Variants in ARF5 observed in about 807,000 individuals in gnomAD.
The protein encoded by ARF5 is ADP-ribosylation factor 5.
Under a neutral mutation model 24.8 loss-of-function variants are expected in ARF5, and 10 were observed. The observed-to-expected ratio is 0.40, with a 90% CI of 0.25 to 0.68. ARF5 has a LOEUF of 0.68. Among genes scored for constraint, ARF5 ranks in the 30% least tolerant of loss-of-function variants. The pLI is 0.36. For missense variants in ARF5, 135 were observed against 239.2 expected, an observed-to-expected ratio of 0.56 and a Z score of 2.87; for synonymous variants, 102 against 95.1, an observed-to-expected ratio of 1.07 and a Z score of -0.42.
intron 4 of ARF5, 23 bp downstream of exon 4, chr7:127,590,160 A>G (rs376627845): frequency 8.7e-6 from 14 of 1,605,752 alleles, no homozygotes; most frequent in Non-Finnish European, 1.2e-5. Context: ...AGCCCTGGGA[A>G]CTGAGCCCTC....
intron 3 of ARF5, 199 bp from the exon 4 acceptor site, chr7:127,589,867 A>G: frequency 3.3e-6 from 2 of 615,178 alleles, no homozygotes; most frequent in South Asian, 4.0e-5. Flanking sequence ...TGGATAAACT[A>G]CTTCCTCTTT....
rs912240810 is a variant in ARF5, at chr7:127,589,488, T to A, written c.152T>A (p.Phe51Tyr). The A allele has an allele frequency of 1.9e-6, 3 of 1,610,220 alleles. No individual in the cohort carries two copies. The Admixed American group carries it at 5.1e-5, about 27-fold the overall frequency. ...EIVTTIPTIG[F>Y]NVETVEYKNI... Reference sequence around the variant, plus strand: ...TTTTTTTTCCAATTATCTGCAGGCTTCAATGTAGAAACAGTGGAATATAAG... The same window carrying A: ...TTTTTTTTCCAATTATCTGCAGGCTACAATGTAGAAACAGTGGAATATAAG... The change falls in exon 3 of 6, where the codon TTC (phenylalanine) becomes TAC (tyrosine). Residue 51 changes from phenylalanine to tyrosine, a missense_variant. Around this residue, in one of 3 missense-constraint regions of ARF5, gnomAD observed 8 missense variants for 47.7 expected, o/e 0.17. Transcript: ENST00000000233.
intron 4 of ARF5, among the ~76,000 whole-genome samples, chr7:127,590,457 C>T (rs941083389): frequency 6.6e-5 from 10 of 152,232 alleles, no homozygotes; most frequent in African/African-American, 2.4e-4. Context: ...CTCAGCCTCC[C>T]AAGTAGCTGG....
chr7:127,589,390 C>T lies in ARF5; in HGVS notation c.149-95C>T, dbSNP rs1275424632. ...CTGTTCCCCTGGGCCTTGATCATTGCCTTCTGGTTTTGTGTCCCTGCTGAA... is the reference window on the plus strand; with the variant it reads ...CTGTTCCCCTGGGCCTTGATCATTGTCTTCTGGTTTTGTGTCCCTGCTGAA... On this transcript the variant is annotated intron_variant, in intron 2 of 5. Transcript: ENST00000000233. The T allele has an allele frequency of 9.1e-6, 11 of 1,202,560 alleles. No homozygotes were observed. In the Admixed American group the frequency reaches 2.0e-4, roughly 22 times the overall value. The allele number at this position is 1,202,560 out of a possible 1,614,324, so 74.5% of individuals were successfully genotyped here.
chr7:127,588,922 C>G (rs145530788), intron 1 of ARF5, 161 bp from the exon 2 acceptor site: 85 of 797,466 alleles, frequency 1.1e-4, no homozygotes, highest in Non-Finnish European at 3.0e-5. Context: ...CTCACGCCAC[C>G]CGACTGCCCT....
chr7:127,590,572 A>G (rs903697584), intron 4 of ARF5, among the ~76,000 whole-genome samples: 3 of 152,170 alleles, frequency 2.0e-5, no homozygotes, highest in African/African-American at 7.2e-5. Flanking sequence ...ACCTCAGGTG[A>G]TCCACCCGTC....
chr7:127,588,985 G>A, intron 1 of ARF5, 98 bp from the exon 2 acceptor site: 2 of 1,407,572 alleles, frequency 1.4e-6, no homozygotes, highest in Non-Finnish European at 2.0e-6. Flanking sequence ...CCCGCTCTCC[G>A]CCCCAGTCAC....
At chr7:127,590,258 T>C (rs1794264000) in intron 4 of ARF5, 121 bp downstream of exon 4, 1 of 796,592 alleles carries the variant, frequency 1.3e-6, no homozygotes, top group Non-Finnish European at 2.2e-6. Flanking sequence ...AGTTTTTCTT[T>C]GTGGACAGAC....
chr7:127,588,613 G>T, intron 1 of ARF5, 48 bp downstream of exon 1: 1 of 1,297,398 alleles, frequency 7.7e-7, no homozygotes, highest in Non-Finnish European at 9.9e-7. Context: ...CGGCCCCGGC[G>T]CAGCCCTTCC....
rs1794261410 is a variant in ARF5, at chr7:127,590,098, G to A, written c.291G>A (p.Arg97=). 1.9e-6 allele frequency: 3 copies of A among 1,614,002 alleles called. No homozygotes were observed. Among genetic ancestry groups the A allele is most frequent in the Non-Finnish European group, 2.5e-6 (3 of 1,179,986 alleles). The change falls in exon 4 of 6, where the codon CGG becomes CGA. Residue 97 remains arginine (R), a synonymous_variant. Coordinates refer to ENST00000000233, the MANE Select transcript of ARF5 (RefSeq NM_001662.4). ...TCTTTGTGGTGGACAGTAATGACCG[G>A]GAGCGGGTCCAAGAATCTGCTGATG... ...GLIFVVDSND[R]ERVQESADEL... is the part of the protein sequence containing the mutation.
intron 3 of ARF5, 73 bp downstream of exon 3, chr7:127,589,667 C>G (rs764230627): frequency 7.8e-7 from 1 of 1,276,294 alleles, no homozygotes; most frequent in Non-Finnish European, 1.1e-6. Flanking sequence ...AATTGTTGGC[C>G]TAGGCTGGGC....
Position 127,591,389 on chromosome 7 carries a change from C to A in ARF5, c.*90C>A. On this transcript the variant is annotated 3_prime_UTR_variant, in exon 6 of 6. Transcript: ENST00000000233. ...CCGGACTCCTCAGGCAGTGCCCTTT[C>A]CTCCCACTTTTCCTCCCCCATAGCC... 8.4e-7 allele frequency: 1 copy of A among 1,185,446 alleles called. No individual in the cohort carries two copies. 73.4% of individuals were successfully genotyped at this position (1,185,446 alleles called of 1,614,324 possible).
chr7:127,588,460 A>C lies in ARF5; in HGVS notation c.-39A>C, dbSNP rs779673174. On this transcript the variant is annotated 5_prime_UTR_variant, in exon 1 of 6. Coordinates refer to ENST00000000233, the MANE Select transcript of ARF5 (RefSeq NM_001662.4). Reference sequence around the variant, plus strand: ...CCGCGGCCGGCCAGTTCCAGCCCGCACCCCGCGTCGGTGCCCGCGCCCCTC... The same window carrying C: ...CCGCGGCCGGCCAGTTCCAGCCCGCCCCCCGCGTCGGTGCCCGCGCCCCTC... 1 of 1,379,782 alleles carries C rather than the reference A, an allele frequency of 7.2e-7. No individual in the cohort carries two copies. The highest frequency in any genetic ancestry group is 9.6e-7 in the Non-Finnish European group (1 of 1,044,604). The allele number at this position is 1,379,782 out of a possible 1,614,324, so 85.5% of individuals were successfully genotyped here. A position where few individuals can be genotyped will look rare whatever the true frequency, so the allele number is the denominator to read the frequency against.
Position 127,591,407 on chromosome 7 carries a change from C to T in ARF5, c.*108C>T. 1 of 968,612 alleles carries T rather than the reference C, an allele frequency of 1.0e-6. No homozygotes were observed. Among genetic ancestry groups the T allele is most frequent in the South Asian group, 1.8e-5 (1 of 56,862 alleles). The allele number at this position is 968,612 out of a possible 1,614,324, so 60.0% of individuals were successfully genotyped here. On this transcript the variant is annotated 3_prime_UTR_variant, in exon 6 of 6. Coordinates refer to ENST00000000233, the MANE Select transcript of ARF5 (RefSeq NM_001662.4). ...GCCCTTTCCTCCCACTTTTCCTCCCCCATAGCCACAGGCCTCTGCTCCTGC... is the reference window on the plus strand; with the variant it reads ...GCCCTTTCCTCCCACTTTTCCTCCCTCATAGCCACAGGCCTCTGCTCCTGC...
In ARF5 at chr7:127,588,489, G is replaced by A; in HGVS notation, c.-10G>A. ...CGCGTCGGTGCCCGCGCCCCTCCCC[G>A]GGCCCCGCCATGGGCCTCACCGTGT... On this transcript the variant is annotated 5_prime_UTR_variant, in exon 1 of 6. Transcript: ENST00000000233. The A allele has an allele frequency of 2.8e-6, 4 of 1,428,264 alleles. No homozygotes were observed. The highest frequency in any genetic ancestry group is 2.1e-4 in the Middle Eastern group (1 of 4,708). 88.5% of individuals were successfully genotyped at this position (1,428,264 alleles called of 1,614,324 possible).
intron 1 of ARF5, 68 bp from the exon 2 acceptor site, chr7:127,589,015 T>A: frequency 6.4e-7 from 1 of 1,565,896 alleles, no homozygotes; most frequent in South Asian, 1.1e-5. Flanking sequence ...TTGTGGCCTC[T>A]CCCTTTCCCT....
chr7:127,590,016 G>A, intron 3 of ARF5, 50 bp from the exon 4 acceptor site: 1 of 1,503,874 alleles, frequency 6.6e-7, no homozygotes, highest in Non-Finnish European at 9.3e-7. Flanking sequence ...ACTACGGTAT[G>A]TCCCAGGCAG....
chr7:127,589,886 G>T, intron 3 of ARF5, 180 bp from the exon 4 acceptor site: 1 of 634,110 alleles, frequency 1.6e-6, no homozygotes, highest in East Asian at 2.6e-5. Flanking sequence ...TTGCAGTGGG[G>T]TCTCTAGTTT....
intron 5 of ARF5, 35 bp downstream of exon 5, chr7:127,591,123 C>T: frequency 6.2e-7 from 1 of 1,612,562 alleles, no homozygotes; most frequent in Non-Finnish European, 8.5e-7. Flanking sequence ...TGAATCCTGC[C>T]TCTTGAGGGA....
Sources: gnomAD v4.1 joint callset for allele counts (sites outside exome capture counted in the v4.1 genomes callset) on GRCh38, gnomAD v4.1.1 for gene constraint, gnomAD v4.1.1 regional missense constraint, MANE v1.5 for transcripts, NCBI Gene and HGNC (gene_info 2026-07-23, HGNC 2026-07-21) for gene names.